Variants in EFR3A observed in about 807,000 individuals in gnomAD.
EFR3A encodes protein EFR3 homolog A.
EFR3A carries 76 observed loss-of-function variants against 104.4 expected under a neutral mutation model. The ratio of observed to expected loss-of-function variants is 0.73; its 90% CI spans 0.60 to 0.88. The LOEUF is 0.88. Among genes scored for constraint, EFR3A ranks in the 40% least tolerant of loss-of-function variants. EFR3A has a pLI of 0.00. For synonymous variants in EFR3A, 330 were observed against 330.0 expected (o/e 1.00, Z 0.00); for missense variants, 985 against 1,012.5 (o/e 0.97, Z 0.37).
chr8:131,949,068 T>C (rs1445364232), intron 4 of EFR3A, among the ~76,000 whole-genome samples: 2 of 152,238 alleles, frequency 1.3e-5, no homozygotes, highest in East Asian at 3.9e-4. Flanking sequence ...GAGCATAATA[T>C]AGTATAGCTA....
chr8:131,980,890 A>G (rs1051514030), intron 14 of EFR3A, among the ~76,000 whole-genome samples: 1 of 151,932 alleles, frequency 6.6e-6, no homozygotes, highest in Non-Finnish European at 1.5e-5. Context: ...TTTAAATTCC[A>G]CATATAAGTG....
At chr8:131,977,242 A>G (rs1820370022) in intron 12 of EFR3A, 150 bp downstream of exon 12, 1 of 531,250 alleles carries the variant, frequency 1.9e-6, no homozygotes, top group Non-Finnish European at 3.2e-6. Flanking sequence ...AAGATTATCC[A>G]ATTTTTTTAC....
intron 18 of EFR3A, among the ~76,000 whole-genome samples, chr8:131,996,002 C>A (rs1352519518): frequency 6.6e-6 from 1 of 152,086 alleles, no homozygotes; most frequent in South Asian, 2.1e-4. Flanking sequence ...TTCACTGTTT[C>A]GTGAAAATAT....
chr8:131,927,585 G>A (rs760624272), intron 1 of EFR3A, among the ~76,000 whole-genome samples: 2 of 151,958 alleles, frequency 1.3e-5, no homozygotes, highest in Non-Finnish European at 2.9e-5. Flanking sequence ...CAGCAAAGTC[G>A]GTATAGTATT....
chr8:132,002,537 G>T, intron 20 of EFR3A, 66 bp from the exon 21 acceptor site: 2 of 1,310,648 alleles, frequency 1.5e-6, no homozygotes, highest in South Asian at 1.3e-5. Context: ...AACTCTTAAC[G>T]GTCATTGACT....
intron 14 of EFR3A, among the ~76,000 whole-genome samples, chr8:131,981,522 T>G (rs963529920): frequency 1.3e-5 from 2 of 152,106 alleles, no homozygotes; most frequent in African/African-American, 4.8e-5. Flanking sequence ...GACACCATTT[T>G]TCATTTACCT....
chr8:131,995,969 A>G (rs1454150467), intron 18 of EFR3A, among the ~76,000 whole-genome samples: 1 of 152,232 alleles, frequency 6.6e-6, no homozygotes, highest in Admixed American at 6.5e-5. Context: ...CTGTCATCCT[A>G]GAACCAGAGT....
intron 1 of EFR3A, among the ~76,000 whole-genome samples, chr8:131,922,747 T>C (rs1319973498): frequency 6.6e-6 from 1 of 152,196 alleles, no homozygotes; most frequent in Non-Finnish European, 1.5e-5. Context: ...ACCTATTGCC[T>C]TGGTTTTCCA....
rs540277599 is a variant in EFR3A at position 131,980,196 on chromosome 8, A to G, written c.1575+775A>G. Among the ~76,000 whole-genome samples, 4 of 151,984 alleles carry G rather than the reference A, an allele frequency of 2.6e-5. No individual in the cohort carries two copies. In the South Asian group the frequency reaches 8.3e-4, roughly 32 times the overall value. On this transcript the variant is annotated intron_variant, in intron 14 of 22. Transcript: ENST00000254624. ...AGGAAGCTAGGTGTAGAGACCCGTAATCCATGTTCTTTTTTGCCTCTTTAC... is the reference window on the plus strand; with the variant it reads ...AGGAAGCTAGGTGTAGAGACCCGTAGTCCATGTTCTTTTTTGCCTCTTTAC...
At chr8:131,926,712 T>C (rs1195674547) in intron 1 of EFR3A, among the ~76,000 whole-genome samples, 1 of 152,102 alleles carries the variant, frequency 6.6e-6, no homozygotes, top group African/African-American at 2.4e-5. Context: ...CTCAGTCTCC[T>C]GGGCTCAGGT....
chr8:131,964,647 A>C (rs1022848258), intron 8 of EFR3A, among the ~76,000 whole-genome samples: 1 of 152,190 alleles, frequency 6.6e-6, no homozygotes, highest in Non-Finnish European at 1.5e-5. Context: ...CATACTGCCC[A>C]AGGTAATTTA....
At chr8:132,004,178 G>C (rs1048318529) in intron 22 of EFR3A, among the ~76,000 whole-genome samples, 1 of 152,010 alleles carries the variant, frequency 6.6e-6, no homozygotes, top group Non-Finnish European at 1.5e-5. Context: ...CTCTTAAGTT[G>C]AGAATCACTC....
intron 1 of EFR3A, among the ~76,000 whole-genome samples, chr8:131,926,855 T>C (rs1817324931): frequency 6.6e-6 from 1 of 152,284 alleles, no homozygotes. Context: ...TTAGTTTTCA[T>C]TTTTTATTAT....
chr8:131,938,260 C>A, intron 1 of EFR3A: 1 of 397,742 alleles, frequency 2.5e-6, no homozygotes, highest in African/African-American at 2.1e-5. Flanking sequence ...CAGCTGAACT[C>A]GAAAAGCCTT....
chr8:131,909,121 C>G (rs981948436), intron 1 of EFR3A, among the ~76,000 whole-genome samples: 1 of 152,246 alleles, frequency 6.6e-6, no homozygotes, highest in Non-Finnish European at 1.5e-5. Flanking sequence ...TAACCAACCT[C>G]TCTTCATCCG....
At chr8:132,006,603 T>C (rs1822068648) in intron 22 of EFR3A, among the ~76,000 whole-genome samples, 1 of 151,924 alleles carries the variant, frequency 6.6e-6, no homozygotes, top group Non-Finnish European at 1.5e-5. Flanking sequence ...TACATTTAGG[T>C]AAGAAATAAT....
chr8:131,953,700 A>G (rs999053671), intron 5 of EFR3A, 118 bp from the exon 6 acceptor site: 6 of 987,080 alleles, frequency 6.1e-6, no homozygotes, highest in African/African-American at 4.9e-5. Flanking sequence ...TTATTTTAAG[A>G]TATTTTATTG....
Position 131,912,981 on chromosome 8 carries a change from ATTTTT to A in EFR3A, c.10+8674_10+8678del, listed in dbSNP as rs3051318. On this transcript the variant is annotated intron_variant, in intron 1 of 22. Coordinates refer to ENST00000254624, the MANE Select transcript of EFR3A (RefSeq NM_015137.6). ...ATGGAGCTTTCTTCCTATCACTTGT[ATTTTT>A]TTTTTTTTTTTTTTGAAAGGAGGAG... Among the ~76,000 whole-genome samples the A allele has an allele frequency of 1.4e-3, 192 of 141,354 alleles. 1 individual carries two copies. Among genetic ancestry groups the A allele is most frequent in the African/African-American group, 3.6e-3 (137 of 38,510 alleles). 92.7% of individuals were successfully genotyped at this position (141,354 alleles called of 152,430 possible).
chr8:131,945,973 A>G (rs1237588700), intron 3 of EFR3A, among the ~76,000 whole-genome samples: 2 of 152,004 alleles, frequency 1.3e-5, no homozygotes, highest in Admixed American at 6.6e-5. Context: ...TGCCCTTCCT[A>G]TCCTCTGGTA....
Sources: allele counts gnomAD v4.1 joint callset (sites outside exome capture counted in the v4.1 genomes callset), GRCh38; gene constraint gnomAD v4.1.1; transcripts MANE v1.5; gene names NCBI Gene and HGNC (gene_info 2026-07-23, HGNC 2026-07-21).